The following NMBR variants were observed in gnomAD, a reference collection of about 807,000 sequenced individuals.
NMBR encodes the protein neuromedin B receptor, also known as neuromedin-B receptor.
In NMBR, 16 loss-of-function variants were observed where a neutral mutation model predicts 20.5. That is an observed-to-expected ratio of 0.78 (90% CI 0.53 to 1.19). NMBR has a LOEUF of 1.19. Among genes scored for constraint, NMBR ranks in the 50% most tolerant of loss-of-function variants. NMBR has a pLI of 0.00. For synonymous variants in NMBR, 212 were observed against 196.6 expected, an observed-to-expected ratio of 1.08 and a Z score of -0.65; for missense variants, 582 against 499.1, an observed-to-expected ratio of 1.17 and a Z score of -1.58.
At chr6:142,142,201 A>G (rs771223436) in intron 1 of NMBR, among the ~76,000 whole-genome samples, 340 of 152,332 alleles carry the variant, frequency 2.2e-3, no homozygotes, top group Admixed American at 4.5e-3. Flanking sequence ...TTAAATCCAA[A>G]GCTTTCCCAT....
At chr6:142,097,359 G>T (rs541593066) in intron 1 of NMBR, among the ~76,000 whole-genome samples, 53 of 152,178 alleles carry the variant, frequency 3.5e-4, no homozygotes, top group African/African-American at 1.3e-3. Context: ...ATCTTTTAGG[G>T]TAGGCCTGGT....
intron 1 of NMBR, among the ~76,000 whole-genome samples, chr6:142,109,711 CTT>C (rs1295948517): frequency 6.6e-6 from 1 of 152,018 alleles, no homozygotes; most frequent in African/African-American, 2.4e-5. Flanking sequence ...GTTTGTTACT[CTT>C]TTAAAATTCA....
intron 1 of NMBR, among the ~76,000 whole-genome samples, chr6:142,104,481 G>A (rs1344771452): frequency 6.6e-6 from 1 of 152,098 alleles, no homozygotes; most frequent in Non-Finnish European, 1.5e-5. Context: ...GATCAAAAAA[G>A]ACTTAACTTT....
chr6:142,116,025 T>C (rs1234138949), intron 1 of NMBR, among the ~76,000 whole-genome samples: 3 of 151,952 alleles, frequency 2.0e-5, no homozygotes, highest in Non-Finnish European at 4.4e-5. Context: ...TGAGAACTGA[T>C]GGTTTTAAAA....
chr6:142,143,510 C>T (rs771191523), intron 1 of NMBR, among the ~76,000 whole-genome samples: 5 of 152,206 alleles, frequency 3.3e-5, no homozygotes, highest in Non-Finnish European at 5.9e-5. Flanking sequence ...TCACAAACTC[C>T]TGACCTCAGG....
intron 1 of NMBR, among the ~76,000 whole-genome samples, chr6:142,098,728 C>A (rs1325165896): frequency 6.6e-6 from 1 of 152,120 alleles, no homozygotes; most frequent in Non-Finnish European, 1.5e-5. Context: ...TTTTCCTTGT[C>A]AAGTTGTAAG....
intron 3 of NMBR, among the ~76,000 whole-genome samples, chr6:142,077,724 C>G (rs1776977688): frequency 6.6e-6 from 1 of 152,164 alleles, no homozygotes; most frequent in Non-Finnish European, 1.5e-5. Flanking sequence ...TTTAAATGAT[C>G]TGCGATTCAA....
intron 1 of NMBR, among the ~76,000 whole-genome samples, chr6:142,130,294 T>TG (rs1299907730): frequency 6.6e-6 from 1 of 152,032 alleles, no homozygotes; most frequent in Non-Finnish European, 1.5e-5. Context: ...AGGTCAGGAC[T>TG]GGCTACATGT....
At chr6:142,099,081 G>A (rs1279107578) in intron 1 of NMBR, among the ~76,000 whole-genome samples, 2 of 152,072 alleles carry the variant, frequency 1.3e-5, no homozygotes, top group Non-Finnish European at 2.9e-5. Flanking sequence ...TCAACACATG[G>A]TGCTGGAACA....
intron 1 of NMBR, among the ~76,000 whole-genome samples, chr6:142,138,171 A>G (rs1778296759): frequency 6.6e-6 from 1 of 152,032 alleles, no homozygotes; most frequent in South Asian, 2.1e-4. Flanking sequence ...GATTCATTTG[A>G]TATTATTTAA....
intron 1 of NMBR, among the ~76,000 whole-genome samples, chr6:142,089,889 G>C (rs1777289887): frequency 6.6e-6 from 1 of 152,104 alleles, no homozygotes; most frequent in East Asian, 1.9e-4. Context: ...CCCAGGTGTG[G>C]ATTTGCCAGG....
chr6:142,139,023 A>G (rs1778319710), intron 1 of NMBR, among the ~76,000 whole-genome samples: 1 of 152,174 alleles, frequency 6.6e-6, no homozygotes, highest in Non-Finnish European at 1.5e-5. Flanking sequence ...TGGTTTGGAA[A>G]TACTATCCTT....
intron 1 of NMBR, among the ~76,000 whole-genome samples, chr6:142,133,658 T>G (rs1778187874): frequency 6.6e-6 from 1 of 152,192 alleles, no homozygotes; most frequent in East Asian, 1.9e-4. Context: ...TATCAACTAT[T>G]GCTTTTCATA....
At chr6:142,094,331 G>T (rs568835660) in intron 1 of NMBR, among the ~76,000 whole-genome samples, 1 of 152,252 alleles carries the variant, frequency 6.6e-6, no homozygotes, top group East Asian at 1.9e-4. Flanking sequence ...TTTTGTATAA[G>T]TTGTAAGGAA....
At chr6:142,111,803 ATGTAGC>A (rs1777768372) in intron 1 of NMBR, among the ~76,000 whole-genome samples, 1 of 152,194 alleles carries the variant, frequency 6.6e-6, no homozygotes, top group Non-Finnish European at 1.5e-5. Flanking sequence ...CCCATTTAAA[ATGTAGC>A]TGTTTCTTTC....
intron 1 of NMBR, among the ~76,000 whole-genome samples, chr6:142,119,534 C>T (rs952008061): frequency 3.3e-5 from 5 of 151,878 alleles, no homozygotes; most frequent in Non-Finnish European, 7.4e-5. Flanking sequence ...TTCAACATAA[C>T]AAATTACCAA....
At chr6:142,143,835 C>T (rs577049118) in intron 1 of NMBR, among the ~76,000 whole-genome samples, 59 of 150,486 alleles carry the variant, frequency 3.9e-4, no homozygotes, top group Admixed American at 8.6e-4. Flanking sequence ...CTGAAGACTT[C>T]TTTAAAGGTA....
chr6:142,139,818 T>C lies in NMBR; in HGVS notation c.-664+7226A>G, dbSNP rs1304338940. 2.0e-5 allele frequency among the ~76,000 whole-genome samples: 3 copies of C among 152,188 alleles called. 1 individual carries two copies. Among genetic ancestry groups the C allele is most frequent in the African/African-American group, 7.2e-5 (3 of 41,458 alleles). ...AGTCCTGAATAATAAATGCTATATA[T>C]CAAAATTCATATTCCAATATAAAAA... On this transcript the variant is annotated intron_variant, in intron 1 of 3. Coordinates refer to ENST00000258042, the MANE Select transcript of NMBR (RefSeq NM_002511.4).
intron 1 of NMBR, among the ~76,000 whole-genome samples, chr6:142,112,913 T>C (rs932089947): frequency 3.0e-5 from 2 of 66,020 alleles, no homozygotes; most frequent in African/African-American, 7.4e-5. Context: ...AAAGCAAATA[T>C]TATTAAGCCA....
Sources: gnomAD v4.1 joint callset for allele counts (sites outside exome capture counted in the v4.1 genomes callset) on GRCh38, gnomAD v4.1.1 for gene constraint, MANE v1.5 for transcripts, NCBI Gene and HGNC (gene_info 2026-07-23, HGNC 2026-07-21) for gene names.